The following SULF2 variants were observed in gnomAD, a reference collection of about 807,000 sequenced individuals.
SULF2 encodes extracellular sulfatase Sulf-2.
A neutral mutation model predicts 107.7 loss-of-function variants in SULF2; 52 were observed. That is an observed-to-expected ratio of 0.48 (90% confidence interval 0.39 to 0.61). SULF2 has a LOEUF of 0.61. Among genes scored for constraint, SULF2 ranks in the 20% least tolerant of loss-of-function variants. SULF2 has a pLI of 0.00. For missense variants in SULF2, 993 were observed against 1,177.3 expected, an observed-to-expected ratio of 0.84 and a Z score of 2.29; for synonymous variants, 460 against 464.3, an observed-to-expected ratio of 0.99 and a Z score of 0.12.
chr20:47,702,257 G>A (rs2088596009), intron 4 of SULF2, among the ~76,000 whole-genome samples: 1 of 152,028 alleles, frequency 6.6e-6, no homozygotes, highest in African/African-American at 2.4e-5. Flanking sequence ...ACAGGGTCTC[G>A]TCATGTTGCC....
chr20:47,724,109 A>G (rs6018660), intron 3 of SULF2, among the ~76,000 whole-genome samples: 103,438 of 152,096 alleles, frequency 0.68, 36,011 homozygotes, highest in Middle Eastern at 0.8. Context: ...AGGTGAGCAC[A>G]CCCAGGCCAA....
At chr20:47,767,870 C>T (rs1358575554) in intron 1 of SULF2, among the ~76,000 whole-genome samples, 3 of 151,054 alleles carry the variant, frequency 2.0e-5, no homozygotes, top group Non-Finnish European at 4.4e-5. Context: ...GATCACGCCA[C>T]TGCACTCCAG....
At chr20:47,735,027 A>G (rs1484964241) in intron 3 of SULF2, among the ~76,000 whole-genome samples, 1 of 152,176 alleles carries the variant, frequency 6.6e-6, no homozygotes, top group Non-Finnish European at 1.5e-5. Flanking sequence ...CACAGAATAT[A>G]TGAGTTTCCT....
At chr20:47,755,025 G>C (rs953625929) in intron 2 of SULF2, among the ~76,000 whole-genome samples, 12 of 95,050 alleles carry the variant, frequency 1.3e-4, no homozygotes, top group African/African-American at 4.8e-4. Flanking sequence ...GTTAAGACGG[G>C]GGGGGTCTCA....
At position 47,724,262 on chromosome 20, in the gene SULF2, T is replaced by C. The variant is rs141852396; in HGVS notation, c.415+12441A>G. Among the ~76,000 whole-genome samples, 825 of 152,330 alleles carry C rather than the reference T, an allele frequency of 5.4e-3. 8 individuals carry two copies. Among genetic ancestry groups the C allele is most frequent in the Middle Eastern group, 0.048 (14 of 294 alleles). On this transcript the variant is annotated intron_variant, in intron 3 of 20. Coordinates refer to ENST00000688720, the MANE Select transcript of SULF2 (RefSeq NM_001387048.1). ...TCCGGCTGTGGGTGGGGAGAAGGAATGGCCAGTTGCTGGGGACAAACAGGG... is the reference window on the plus strand; with the variant it reads ...TCCGGCTGTGGGTGGGGAGAAGGAACGGCCAGTTGCTGGGGACAAACAGGG...
At chr20:47,783,226 C>T (rs1471191869) in intron 1 of SULF2, among the ~76,000 whole-genome samples, 2 of 152,192 alleles carry the variant, frequency 1.3e-5, no homozygotes, top group Admixed American at 6.5e-5. Context: ...CTTTTAACTA[C>T]AAGCTGGTCA....
At chr20:47,761,585 A>G (rs2146929568) in intron 1 of SULF2, among the ~76,000 whole-genome samples, 1 of 152,372 alleles carries the variant, frequency 6.6e-6, no homozygotes, top group South Asian at 2.1e-4. Context: ...TGATGCAAAT[A>G]GCTTCCCAGG....
chr20:47,781,109 A>C (rs8117430), intron 1 of SULF2, among the ~76,000 whole-genome samples: 7,637 of 152,334 alleles, frequency 0.05, 224 homozygotes, highest in Middle Eastern at 0.092. Flanking sequence ...GGCCCCCCGA[A>C]AGCACAGGAT....
rs2088297831 is a variant in SULF2, at chr20:47,694,216, G to C, written c.568-3921C>G. Among the ~76,000 whole-genome samples the C allele has an allele frequency of 6.6e-6, 1 of 152,214 alleles. No individual in the cohort carries two copies. The highest frequency in any genetic ancestry group is 2.4e-5 in the African/African-American group (1 of 41,458). The stretch of plus-strand genomic sequence containing the variant: ...CTGTTCTCTCTGAGGGAGAGAACAG[G>C]AGGCCTGGGCCAGGGTGGCGGGGGC... On this transcript the variant is annotated intron_variant, in intron 4 of 20. Transcript: ENST00000688720. This position sits in a 1 kb window ranked among gnomAD's most constrained non-coding sequence, Gnocchi z 4.4.
chr20:47,720,386 G>C (rs1160456992), intron 3 of SULF2, among the ~76,000 whole-genome samples: 1 of 152,054 alleles, frequency 6.6e-6, no homozygotes. Flanking sequence ...CTCCTGAGTA[G>C]TTGGGAGTAC....
At chr20:47,727,860 A>G (rs1252643329) in intron 3 of SULF2, among the ~76,000 whole-genome samples, 1 of 152,252 alleles carries the variant, frequency 6.6e-6, no homozygotes, top group African/African-American at 2.4e-5. Context: ...GCTCAAAACA[A>G]GTGCTTCACT....
intron 5 of SULF2, among the ~76,000 whole-genome samples, chr20:47,686,722 G>A (rs2088016620): frequency 6.6e-6 from 1 of 152,232 alleles, no homozygotes; most frequent in Non-Finnish European, 1.5e-5. Flanking sequence ...TGCCGCTGGG[G>A]TAGCTTGGCA....
chr20:47,729,560 T>G (rs1364928803), intron 3 of SULF2, among the ~76,000 whole-genome samples: 1 of 151,868 alleles, frequency 6.6e-6, no homozygotes, highest in African/African-American at 2.4e-5. Flanking sequence ...GGTTTGCTGA[T>G]GAACTGAATG....
intron 11 of SULF2, among the ~76,000 whole-genome samples, chr20:47,667,622 C>T (rs2087320302): frequency 6.6e-6 from 1 of 152,194 alleles, no homozygotes; most frequent in Admixed American, 6.5e-5. Context: ...CCACAGCCCC[C>T]GCCACTCCTT....
At position 47,666,435 on chromosome 20, in the gene SULF2, C is replaced by A. The variant is rs770109846; in HGVS notation, c.1630G>T (p.Val544Leu). 4 of 1,613,852 alleles carry A rather than the reference C, an allele frequency of 2.5e-6. No individual in the cohort carries two copies. Among genetic ancestry groups the A allele is most frequent in the South Asian group, 2.2e-5 (2 of 91,084 alleles). ...CCTACGTGGTACACCCTGCCGTCCA[C>A]CTCGATGGCCACTGAGCGGATGGAG... is the stretch of plus-strand genomic sequence containing the variant. ...SRSIRSVAIE[V>L]DGRVYHVGLG... The change falls in exon 12 of 21, where the codon GTG (valine) becomes TTG (leucine). Residue 544 changes from valine to leucine, a missense_variant. By Grantham distance (32) the Val-to-Leu change is conservative. Around this residue, in one of 3 missense-constraint regions of SULF2, gnomAD observed 497 missense variants for 544.1 expected, o/e 0.91. Coordinates refer to ENST00000688720, the MANE Select transcript of SULF2 (RefSeq NM_001387048.1). This position sits in a 1 kb window ranked among gnomAD's most constrained non-coding sequence, Gnocchi z 5.4.
At chr20:47,739,770 A>G (rs536175075) in intron 2 of SULF2, among the ~76,000 whole-genome samples, 7 of 152,386 alleles carry the variant, frequency 4.6e-5, no homozygotes, top group Non-Finnish European at 8.8e-5. Flanking sequence ...AATGTGCTCA[A>G]CAGAGACCAG....
chr20:47,670,451 C>T (rs1038953374), intron 11 of SULF2, among the ~76,000 whole-genome samples: 1 of 151,152 alleles, frequency 6.6e-6, no homozygotes, highest in Non-Finnish European at 1.5e-5. Flanking sequence ...CTTGGCCTCC[C>T]GAAATGCTGG....
In SULF2 at chr20:47,666,562, TC is replaced by T. The variant is rs2087281368; in HGVS notation, c.1577-75del. 1 of 1,224,982 alleles carries T rather than the reference TC, an allele frequency of 8.2e-7. No individual in the cohort carries two copies. The highest frequency in any genetic ancestry group is 1.5e-5 in the African/African-American group (1 of 67,426). The allele number at this position is 1,224,982 out of a possible 1,614,324, so 75.9% of individuals were successfully genotyped here. A position where few individuals can be genotyped will look rare whatever the true frequency, so the allele number is the denominator to read the frequency against. On this transcript the variant is annotated intron_variant, in intron 11 of 20. Transcript: ENST00000688720. This position sits in a 1 kb window ranked among gnomAD's most constrained non-coding sequence, Gnocchi z 5.4. ...CCAGGCTCCCAGGGCAGTGGGTCCT[TC>T]ATCAAGATAGGGCCGGGCTTCCAAG...
chr20:47,681,339 C>T (rs1043428314), intron 7 of SULF2, among the ~76,000 whole-genome samples: 41 of 152,126 alleles, frequency 2.7e-4, no homozygotes, highest in African/African-American at 9.4e-4. Flanking sequence ...TGACAGATAC[C>T]GTGTGTCTTT....
Sources: allele counts gnomAD v4.1 joint callset (sites outside exome capture counted in the v4.1 genomes callset), GRCh38; gene constraint gnomAD v4.1.1; regional missense constraint gnomAD v4.1.1; non-coding constraint Gnocchi (gnomAD v3.1); transcripts MANE v1.5; gene names NCBI Gene and HGNC (gene_info 2026-07-23, HGNC 2026-07-21).